Variants in HPS5 observed in about 807,000 individuals in gnomAD.
HPS5 encodes the protein HPS5 biogenesis of lysosomal organelles complex 2 subunit 2.
A neutral mutation model predicts 128.0 loss-of-function variants in HPS5; 83 were observed. The ratio of observed to expected loss-of-function variants is 0.65; its 90% confidence interval spans 0.54 to 0.78. The LOEUF (loss-of-function observed/expected upper bound fraction) is 0.78, where lower values mean the gene tolerates loss of function less well. Ranked by LOEUF, HPS5 falls within the 30% of genes least tolerant of loss-of-function variation. The pLI is 0.00. For missense variants in HPS5, 1,281 were observed against 1,326.2 expected, an observed-to-expected ratio of 0.97 and a Z score of 0.53; for synonymous variants, 475 against 470.2, an observed-to-expected ratio of 1.01 and a Z score of -0.13.
Position 18,299,628 on chromosome 11 carries a change from A to G in HPS5, c.986-658T>C, listed in dbSNP as rs115396699. ...CACTTCTGGTTTTAACCCAAAGAAT[A>G]TAGAGATTGATTTTCTGTCTCAGTC... On this transcript the variant is annotated intron_variant, in intron 9 of 22. Coordinates refer to ENST00000349215, the MANE Select transcript of HPS5 (RefSeq NM_181507.2). Among the ~76,000 whole-genome samples the G allele has an allele frequency of 3.8e-3, 576 of 152,356 alleles. 2 individuals are homozygous for G. Among genetic ancestry groups the G allele is most frequent in the African/African-American group, 0.013 (534 of 41,586 alleles).
intron 1 of HPS5, among the ~76,000 whole-genome samples, chr11:18,321,448 G>T (rs965729581): frequency 3.9e-5 from 6 of 152,212 alleles, no homozygotes; most frequent in African/African-American, 9.6e-5. Context: ...GAACATAGAA[G>T]TTGGCGACAA....
At chr11:18,318,052 A>G in intron 1 of HPS5, 145 bp from the exon 2 acceptor site, 1 of 639,248 alleles carries the variant, frequency 1.6e-6, no homozygotes, top group Non-Finnish European at 2.7e-6. Flanking sequence ...GTAACATCGT[A>G]TGCCACAGTG....
intron 5 of HPS5, 56 bp from the exon 6 acceptor site, chr11:18,309,135 A>G: frequency 1.3e-6 from 2 of 1,505,082 alleles, no homozygotes; most frequent in Non-Finnish European, 9.2e-7. Flanking sequence ...TACACATGCA[A>G]TCTCTTCCTC....
Position 18,298,885 on chromosome 11 carries a change from C to T in HPS5, c.1071G>A (p.Val357=). The T allele has an allele frequency of 6.2e-7, 1 of 1,614,170 alleles. No individual in the cohort carries two copies. Among genetic ancestry groups the T allele is most frequent in the Non-Finnish European group, 8.5e-7 (1 of 1,180,012 alleles). ...GKVSHLSLIS[V]ERCVERLLRR... ...TTAGCAGGCGTTCCACACAGCGCTCCACAGATATCAGGGAGAGATGTGAGA... is the reference window on the plus strand; with the variant it reads ...TTAGCAGGCGTTCCACACAGCGCTCTACAGATATCAGGGAGAGATGTGAGA... The change falls in exon 10 of 23, where the codon GTG becomes GTA. Residue 357 remains valine, a synonymous_variant. Coordinates refer to ENST00000349215, the MANE Select transcript of HPS5 (RefSeq NM_181507.2).
chr11:18,292,047 C>T, intron 15 of HPS5, 28 bp from the exon 16 acceptor site: 1 of 1,539,130 alleles, frequency 6.5e-7, no homozygotes, highest in Non-Finnish European at 9.0e-7. Flanking sequence ...GTATGAAATT[C>T]ATGTGTCATG....
At chr11:18,301,975 A>C (rs1861763096) in intron 8 of HPS5, among the ~76,000 whole-genome samples, 1 of 152,006 alleles carries the variant, frequency 6.6e-6, no homozygotes, top group Non-Finnish European at 1.5e-5. Context: ...CCTACTCACT[A>C]TTATCTGGAA....
At chr11:18,281,850 G>T in intron 22 of HPS5, 100 bp downstream of exon 22, 1 of 1,331,226 alleles carries the variant, frequency 7.5e-7, no homozygotes, top group Non-Finnish European at 1.1e-6. Flanking sequence ...TCATGTTAGT[G>T]ATGGGTCGGG....
At chr11:18,312,917 C>G (rs1215647070) in intron 2 of HPS5, among the ~76,000 whole-genome samples, 1 of 152,178 alleles carries the variant, frequency 6.6e-6, no homozygotes, top group African/African-American at 2.4e-5. Context: ...ATCTTTACCA[C>G]GTAAGCTCCT....
In HPS5 at chr11:18,319,993, A is replaced by C. The variant is rs547136773; in HGVS notation, c.-50+1953T>G. Among the ~76,000 whole-genome samples the C allele has an allele frequency of 2.6e-5, 4 of 152,240 alleles. No homozygotes were observed. The East Asian group carries it at 7.7e-4, about 29-fold the overall frequency. On this transcript the variant is annotated intron_variant, in intron 1 of 22. Coordinates refer to ENST00000349215, the MANE Select transcript of HPS5 (RefSeq NM_181507.2). ...TTCTACTTGTGATCTTGAAACAAAG[A>C]AACTCTGAGTAGGTCATTTTGCCTT...
chr11:18,288,883 T>C (rs1024110894), intron 16 of HPS5, among the ~76,000 whole-genome samples: 27 of 151,752 alleles, frequency 1.8e-4, no homozygotes, highest in African/African-American at 6.1e-4. Context: ...TGTGCATGTG[T>C]GTGTGTGTAG....
At chr11:18,292,770 AT>A in intron 15 of HPS5, 128 bp downstream of exon 15, 1 of 775,312 alleles carries the variant, frequency 1.3e-6, no homozygotes. Context: ...AGGAAAGACC[AT>A]TTATAGCAAC....
At chr11:18,307,524 T>C (rs1862508832) in intron 6 of HPS5, among the ~76,000 whole-genome samples, 1 of 152,194 alleles carries the variant, frequency 6.6e-6, no homozygotes, top group Non-Finnish European at 1.5e-5. Context: ...AGGAACATAA[T>C]AAATGTTTGC....
At chr11:18,320,161 C>T (rs542244064) in intron 1 of HPS5, among the ~76,000 whole-genome samples, 5 of 152,182 alleles carry the variant, frequency 3.3e-5, no homozygotes, top group African/African-American at 1.2e-4. Context: ...TAAGCAATGC[C>T]AATTCTCAGA....
chr11:18,312,514 G>A (rs559086194), intron 2 of HPS5, among the ~76,000 whole-genome samples: 8 of 152,272 alleles, frequency 5.3e-5, no homozygotes, highest in East Asian at 3.9e-4. Context: ...CCAATACCCC[G>A]TGGTAAAAGT....
chr11:18,280,306 A>C (rs1858712545), intron 22 of HPS5, among the ~76,000 whole-genome samples: 1 of 152,212 alleles, frequency 6.6e-6, no homozygotes, highest in African/African-American at 2.4e-5. Context: ...GAAAAATGCA[A>C]ATCAAAACCA....
chr11:18,300,775 A>C (rs1861613930), intron 9 of HPS5, 53 bp downstream of exon 9: 1 of 919,372 alleles, frequency 1.1e-6, no homozygotes, highest in South Asian at 1.4e-5. Flanking sequence ...CTCCTACAAT[A>C]ATCAAATTTT....
At position 18,283,882 on chromosome 11, in the gene HPS5, T is replaced by G. The variant is rs1206494644; in HGVS notation, c.2971A>C (p.Ile991Leu). 1 of 1,612,898 alleles carries G rather than the reference T, an allele frequency of 6.2e-7. No individual in the cohort carries two copies. Among genetic ancestry groups the G allele is most frequent in the Non-Finnish European group, 8.5e-7 (1 of 1,179,292 alleles). The change falls in exon 21 of 23, where the codon ATT (isoleucine) becomes CTT (leucine). Residue 991 changes from isoleucine (I) to leucine (L), a missense_variant. Ile to Leu is a conservative substitution (Grantham distance 5). Coordinates refer to ENST00000349215, the MANE Select transcript of HPS5 (RefSeq NM_181507.2). ...CTTCTCTCCAGCTCCAAACAGAGAATTAGATATCCAGGCCAGAAACTTTAA... is the reference window on the plus strand; with the variant it reads ...CTTCTCTCCAGCTCCAAACAGAGAAGTAGATATCCAGGCCAGAAACTTTAA... ...RSCGFWPGYLILCLELERRRE... is the reference protein window; with the variant it reads ...RSCGFWPGYLLLCLELERRRE...
intron 1 of HPS5, among the ~76,000 whole-genome samples, chr11:18,319,369 G>C (rs957006266): frequency 6.6e-6 from 1 of 151,578 alleles, no homozygotes; most frequent in Non-Finnish European, 1.5e-5. Context: ...GAATTAAAGG[G>C]AACTGAAGAA....
At chr11:18,293,114 C>T (rs976191542) in intron 14 of HPS5, 138 bp from the exon 15 acceptor site, 20 of 720,386 alleles carry the variant, frequency 2.8e-5, no homozygotes, top group Middle Eastern at 2.6e-4. Flanking sequence ...CTCCGCCTCC[C>T]GGGTTCAAGC....
Sources: allele counts gnomAD v4.1 joint callset (sites outside exome capture counted in the v4.1 genomes callset), GRCh38; gene constraint gnomAD v4.1.1; transcripts MANE v1.5; gene names NCBI Gene and HGNC (gene_info 2026-07-23, HGNC 2026-07-21).